Variants in GRID2 observed in about 807,000 individuals in gnomAD.
The protein encoded by GRID2 is glutamate receptor ionotropic, delta-2.
GRID2 carries 33 observed loss-of-function variants against 114.8 expected under a neutral mutation model. That is an observed-to-expected ratio of 0.29 (90% CI 0.22 to 0.38). The LOEUF is 0.38. Ranked by LOEUF, GRID2 falls within the 10% of genes least tolerant of loss-of-function variation. GRID2 has a pLI of 1.00. For missense variants in GRID2, 1,184 were observed against 1,257.7 expected, an observed-to-expected ratio of 0.94 and a Z score of 0.89; for synonymous variants, 505 against 449.9, an observed-to-expected ratio of 1.12 and a Z score of -1.55.
rs1327233034 is a variant in GRID2, at chr4:92,868,015, G to GT, written c.245-216976dup. On this transcript the variant is annotated intron_variant, in intron 2 of 15. Coordinates refer to ENST00000282020, the MANE Select transcript of GRID2 (RefSeq NM_001510.4). ...GGTGATAGGCAAATGATACTGAAAG[G>GT]TTTTCTTTCTTTCTTTCTTTCTTTC... 1.8e-3 allele frequency among the ~76,000 whole-genome samples: 251 copies of GT among 140,244 alleles called. 1 individual carries two copies. Among genetic ancestry groups the GT allele is most frequent in the African/African-American group, 6.2e-3 (231 of 37,414 alleles). 92.0% of individuals were successfully genotyped at this position (140,244 alleles called of 152,430 possible). A position where few individuals can be genotyped will look rare whatever the true frequency, so the allele number is the denominator to read the frequency against.
In GRID2 at chr4:92,536,706, G is replaced by A. The variant is rs374647435; in HGVS notation, c.89-53425G>A. Among the ~76,000 whole-genome samples, 50 of 152,066 alleles carry A rather than the reference G, an allele frequency of 3.3e-4. 1 individual carries two copies. The South Asian group carries it at 9.4e-3, about 28-fold the overall frequency. On this transcript the variant is annotated intron_variant, in intron 1 of 15. Coordinates refer to ENST00000282020, the MANE Select transcript of GRID2 (RefSeq NM_001510.4). ...CCTTTAAAAAATAATTTTCTTCCCA[G>A]ATTTTTTCTCTTATATGCCTCTTGC...
chr4:93,479,333 G>C (rs1725632217), intron 11 of GRID2, among the ~76,000 whole-genome samples: 1 of 152,108 alleles, frequency 6.6e-6, no homozygotes, highest in Non-Finnish European at 1.5e-5. Context: ...GTAAAAAAAT[G>C]TGTGAAGTGC....
intron 1 of GRID2, among the ~76,000 whole-genome samples, chr4:92,328,388 A>T (rs1726703781): frequency 6.6e-6 from 1 of 152,068 alleles, no homozygotes; most frequent in Non-Finnish European, 1.5e-5. Context: ...AGTGGTTGAA[A>T]ATAAACATTC....
intron 2 of GRID2, among the ~76,000 whole-genome samples, chr4:92,820,069 A>T (rs1036670172): frequency 5.3e-5 from 8 of 152,114 alleles, no homozygotes; most frequent in African/African-American, 1.9e-4. Flanking sequence ...TGACAACATA[A>T]GATACTCTGC....
At chr4:93,108,862 C>T (rs916696545) in intron 3 of GRID2, among the ~76,000 whole-genome samples, 5 of 152,094 alleles carry the variant, frequency 3.3e-5, no homozygotes, top group African/African-American at 1.2e-4. Flanking sequence ...AGCTCCTGAC[C>T]TCATGATCTG....
intron 13 of GRID2, among the ~76,000 whole-genome samples, chr4:93,600,356 G>C (rs893109736): frequency 6.6e-6 from 1 of 150,988 alleles, no homozygotes; most frequent in Non-Finnish European, 1.5e-5. Context: ...CATATATAAA[G>C]AACTAAAATC....
intron 2 of GRID2, among the ~76,000 whole-genome samples, chr4:92,610,354 G>T (rs969342488): frequency 5.3e-5 from 8 of 151,540 alleles, no homozygotes; most frequent in African/African-American, 1.9e-4. Flanking sequence ...AGGCATCTCT[G>T]TCTTATTTAA....
intron 14 of GRID2, among the ~76,000 whole-genome samples, chr4:93,686,208 C>A (rs905520390): frequency 1.3e-5 from 2 of 151,964 alleles, no homozygotes; most frequent in Non-Finnish European, 2.9e-5. Flanking sequence ...CTAGCAGATG[C>A]CTTTGAGTCA....
At chr4:92,726,749 G>GA (rs1736087676) in intron 2 of GRID2, among the ~76,000 whole-genome samples, 2 of 152,074 alleles carry the variant, frequency 1.3e-5, no homozygotes, top group Non-Finnish European at 2.9e-5. Context: ...CGATTAAGCT[G>GA]AAAGGACTCA....
intron 2 of GRID2, among the ~76,000 whole-genome samples, chr4:92,766,301 G>A (rs958943453): frequency 6.6e-5 from 10 of 152,100 alleles, no homozygotes; most frequent in African/African-American, 1.4e-4. Flanking sequence ...CACTTTGGGA[G>A]GCCGAGGTGG....
chr4:93,807,435 T>C (rs1029461955), exon 2 of GRID2: 3 of 152,200 alleles, frequency 2.0e-5, no homozygotes, highest in African/African-American at 7.2e-5. Flanking sequence ...TAGAACAACA[T>C]TATTTCATAC....
chr4:92,402,698 A>G (rs540218777), intron 1 of GRID2, among the ~76,000 whole-genome samples: 46 of 152,324 alleles, frequency 3.0e-4, no homozygotes, highest in African/African-American at 1.0e-3. Flanking sequence ...CCATTTATAG[A>G]GCACAGGCAG....
chr4:92,442,548 C>T (rs983300896), intron 1 of GRID2, among the ~76,000 whole-genome samples: 2 of 152,000 alleles, frequency 1.3e-5, no homozygotes, highest in African/African-American at 2.4e-5. Context: ...GGAATTGCAA[C>T]TTTTTTCTAT....
At chr4:93,314,574 C>T (rs140404101) in intron 8 of GRID2, among the ~76,000 whole-genome samples, 32 of 152,168 alleles carry the variant, frequency 2.1e-4, no homozygotes, top group African/African-American at 7.0e-4. Context: ...TTAGCTCTTT[C>T]GTTGTTTCCT....
intron 1 of GRID2, among the ~76,000 whole-genome samples, chr4:92,438,873 T>A (rs2110355083): frequency 6.6e-6 from 1 of 152,294 alleles, no homozygotes; most frequent in Non-Finnish European, 1.5e-5. Context: ...AATATCAACA[T>A]TTGGTTTTCT....
chr4:93,155,323 T>A (rs1737077549), intron 4 of GRID2, among the ~76,000 whole-genome samples: 1 of 152,002 alleles, frequency 6.6e-6, no homozygotes, highest in Non-Finnish European at 1.5e-5. Flanking sequence ...GCATATTCTA[T>A]TGCTCTGCAC....
At chr4:92,351,403 G>A (rs939081661) in intron 1 of GRID2, among the ~76,000 whole-genome samples, 2 of 151,664 alleles carry the variant, frequency 1.3e-5, no homozygotes, top group African/African-American at 2.4e-5. Context: ...ACATATTAAT[G>A]GGGTAGAGGT....
chr4:92,326,394 G>A (rs915846733), intron 1 of GRID2, among the ~76,000 whole-genome samples: 1 of 151,812 alleles, frequency 6.6e-6, no homozygotes, highest in African/African-American at 2.4e-5. Flanking sequence ...TTTCTATGGT[G>A]TATAAAGGAT....
intron 2 of GRID2, among the ~76,000 whole-genome samples, chr4:92,906,558 T>C (rs1747972118): frequency 6.6e-6 from 1 of 152,180 alleles, no homozygotes; most frequent in Non-Finnish European, 1.5e-5. Context: ...GTTTCTAAAC[T>C]ACAAGGGAAC....
Sources: allele counts gnomAD v4.1 joint callset (sites outside exome capture counted in the v4.1 genomes callset), GRCh38; gene constraint gnomAD v4.1.1; transcripts MANE v1.5; gene names NCBI Gene and HGNC (gene_info 2026-07-23, HGNC 2026-07-21).